Variants in MYCBP2 observed in about 807,000 individuals in gnomAD.
MYCBP2 encodes MYC binding protein 2.
A neutral mutation model predicts 525.3 loss-of-function variants in MYCBP2; 120 were observed. The ratio of observed to expected loss-of-function variants is 0.23; its 90% confidence interval spans 0.20 to 0.27. The LOEUF (loss-of-function observed/expected upper bound fraction) is 0.27, where lower values mean the gene tolerates loss of function less well. Among genes scored for constraint, MYCBP2 ranks in the 10% least tolerant of loss-of-function variants. MYCBP2 has a pLI of 1.00. For synonymous variants in MYCBP2, 1,894 were observed against 1,955.8 expected (o/e 0.97, Z 0.83); for missense variants, 4,149 against 5,657.1 (o/e 0.73, Z 8.55).
rs891352407 is a variant in MYCBP2 at position 77,072,010 on chromosome 13, C to T, written c.11824-1299G>A. Among the ~76,000 whole-genome samples the T allele has an allele frequency of 4.6e-5, 7 of 152,094 alleles. No individual in the cohort carries two copies. In the South Asian group the frequency reaches 6.2e-4, roughly 14 times the overall value. ...GTCAAAGAAGAAATCAAAATGGGGC[C>T]GGATACAGTGGCTCACGCCTGTAAT... On this transcript the variant is annotated intron_variant, in intron 68 of 82. Transcript: ENST00000544440.
rs1298998551 is a variant in MYCBP2, at chr13:77,074,818, G to T, written c.11823+1933C>A. 2.6e-5 allele frequency among the ~76,000 whole-genome samples: 4 copies of T among 152,292 alleles called. No individual in the cohort carries two copies. The East Asian group carries it at 7.7e-4, about 29-fold the overall frequency. On this transcript the variant is annotated intron_variant, in intron 68 of 82. Coordinates refer to ENST00000544440, the MANE Select transcript of MYCBP2 (RefSeq NM_015057.5). ...TCCAGGAAAAGGCAACACAACACTG[G>T]CAGAATATAGTTCAGTAGTTGCTAG...
intron 65 of MYCBP2, among the ~76,000 whole-genome samples, chr13:77,079,598 A>G (rs894632582): frequency 5.9e-5 from 9 of 152,218 alleles, no homozygotes; most frequent in African/African-American, 2.2e-4. Context: ...CAGGTTGAGG[A>G]ACATGGAGGT....
chr13:77,109,853 A>T (rs901666444), intron 55 of MYCBP2: 18 of 152,350 alleles, frequency 1.2e-4, no homozygotes, highest in African/African-American at 4.3e-4. Flanking sequence ...GCAATCTCTG[A>T]ACATAAATTG....
chr13:77,233,315 C>T (rs1255178469), intron 17 of MYCBP2, 52 bp from the exon 18 acceptor site: 1 of 1,277,390 alleles, frequency 7.8e-7, no homozygotes, highest in East Asian at 2.3e-5. Flanking sequence ...AATGAAAACA[C>T]TATAATGAAC....
At chr13:77,180,532 C>T (rs182906390) in intron 33 of MYCBP2, among the ~76,000 whole-genome samples, 1 of 152,272 alleles carries the variant, frequency 6.6e-6, no homozygotes, top group African/African-American at 2.4e-5. Context: ...CATACATTTA[C>T]GAAATGTTTT....
At chr13:77,171,873 T>C (rs2059173177) in intron 37 of MYCBP2, among the ~76,000 whole-genome samples, 1 of 152,196 alleles carries the variant, frequency 6.6e-6, no homozygotes, top group African/African-American at 2.4e-5. Flanking sequence ...GAGGAACTCA[T>C]ATTTAACAAA....
intron 2 of MYCBP2, among the ~76,000 whole-genome samples, 175 bp downstream of exon 2, chr13:77,296,424 G>C (rs553783109): frequency 6.6e-6 from 1 of 151,176 alleles, no homozygotes; most frequent in East Asian, 1.9e-4. Flanking sequence ...AGAAAGAAAA[G>C]AAACACCCAA....
chr13:77,254,899 G>A (rs1346668977), intron 14 of MYCBP2, among the ~76,000 whole-genome samples: 1 of 151,808 alleles, frequency 6.6e-6, no homozygotes, highest in African/African-American at 2.4e-5. Flanking sequence ...ATGTCCTTCA[G>A]TTCTATCCAT....
rs370803139 is a variant in MYCBP2 at position 77,191,661 on chromosome 13, A to C, written c.4070+18T>G. The C allele has an allele frequency of 1.4e-5, 22 of 1,609,984 alleles. No individual in the cohort carries two copies. Among genetic ancestry groups the C allele is most frequent in the Non-Finnish European group, 1.8e-5 (21 of 1,178,452 alleles). On this transcript the variant is annotated intron_variant, in intron 28 of 82. Transcript: ENST00000544440. ...CAAAAATAAGTATTGCTTAAGTAACACTTGGGCATTTACTTACCCATCATC... is the reference window on the plus strand; with the variant it reads ...CAAAAATAAGTATTGCTTAAGTAACCCTTGGGCATTTACTTACCCATCATC...
intron 15 of MYCBP2, among the ~76,000 whole-genome samples, chr13:77,250,504 T>C (rs952873835): frequency 2.6e-5 from 4 of 152,208 alleles, no homozygotes; most frequent in Non-Finnish European, 5.9e-5. Flanking sequence ...CATCATGTTA[T>C]AGTGGCTATA....
intron 55 of MYCBP2, among the ~76,000 whole-genome samples, chr13:77,100,981 C>T (rs2046981278): frequency 1.3e-5 from 2 of 152,140 alleles, no homozygotes; most frequent in East Asian, 3.9e-4. Flanking sequence ...TCTTACTGAC[C>T]TAGTAACAGC....
chr13:77,266,688 ATTATTGTCAT>A (rs1490066802), intron 8 of MYCBP2, among the ~76,000 whole-genome samples: 1 of 142,686 alleles, frequency 7.0e-6, no homozygotes, highest in Non-Finnish European at 1.5e-5. Context: ...ATTTTTTAAT[ATTATTGTCAT>A]TATTATTATT....
chr13:77,167,194 AATCTATCTGTACATAAACAT>A (rs2058646066), intron 40 of MYCBP2, among the ~76,000 whole-genome samples: 1 of 152,100 alleles, frequency 6.6e-6, no homozygotes, highest in Non-Finnish European at 1.5e-5. Context: ...TATACACATA[AATCTATCTGTACATAAACAT>A]ATATACATTT....
chr13:77,123,138 T>C (rs190866503), intron 54 of MYCBP2, among the ~76,000 whole-genome samples: 24 of 152,360 alleles, frequency 1.6e-4, no homozygotes, highest in Admixed American at 1.0e-3. Flanking sequence ...GCCAAATCTT[T>C]GTACTTCCAT....
At chr13:77,291,285 C>A (rs1050286730) in intron 2 of MYCBP2, among the ~76,000 whole-genome samples, 1 of 152,186 alleles carries the variant, frequency 6.6e-6, no homozygotes, top group Admixed American at 6.6e-5. Context: ...AAAGATTTCA[C>A]ATCATTAGTC....
At chr13:77,277,542 T>C (rs756062829) in intron 4 of MYCBP2, among the ~76,000 whole-genome samples, 3 of 152,092 alleles carry the variant, frequency 2.0e-5, no homozygotes, top group Non-Finnish European at 2.9e-5. Flanking sequence ...ATCTGACATG[T>C]AGTTAGGTTC....
intron 20 of MYCBP2, among the ~76,000 whole-genome samples, chr13:77,222,437 G>A (rs1325069675): frequency 2.0e-5 from 3 of 151,996 alleles, no homozygotes; most frequent in Non-Finnish European, 2.9e-5. Flanking sequence ...TATCTCAATC[G>A]TCTCTTATCA....
intron 26 of MYCBP2, 104 bp downstream of exon 26, chr13:77,205,152 C>T: frequency 9.4e-7 from 1 of 1,065,822 alleles, no homozygotes; most frequent in African/African-American, 1.7e-5. Flanking sequence ...CAAAATAAAC[C>T]CAGTTAAAAA....
chr13:77,196,566 G>A (rs1324875611), intron 26 of MYCBP2, among the ~76,000 whole-genome samples: 1 of 152,170 alleles, frequency 6.6e-6, no homozygotes, highest in Non-Finnish European at 1.5e-5. Context: ...TTTTGAAAGT[G>A]GAAACGATAA....
Sources: gnomAD v4.1 joint callset for allele counts (sites outside exome capture counted in the v4.1 genomes callset) on GRCh38, gnomAD v4.1.1 for gene constraint, MANE v1.5 for transcripts, NCBI Gene and HGNC (gene_info 2026-07-23, HGNC 2026-07-21) for gene names.